IQSEC1: variants seen among roughly 807,000 people sequenced by gnomAD.
IQSEC1 encodes IQ motif and Sec7 domain ArfGEF 1.
A neutral mutation model predicts 91.0 loss-of-function variants in IQSEC1; 31 were observed. The observed-to-expected ratio is 0.34, with a 90% CI of 0.26 to 0.46. The LOEUF (loss-of-function observed/expected upper bound fraction) is 0.46. Among genes scored for constraint, IQSEC1 ranks in the 20% least tolerant of loss-of-function variants. The probability of loss-of-function intolerance (pLI) is 1.00; values close to 1 mark genes in which losing one functional copy is unlikely to be tolerated. For synonymous variants in IQSEC1, 699 were observed against 662.6 expected (o/e 1.05, Z -0.84); for missense variants, 1,388 against 1,575.6 (o/e 0.88, Z 2.02).
rs114323393 is a variant in IQSEC1, at chr3:12,979,737, G to A, written c.24-37872C>T. Among the ~76,000 whole-genome samples the A allele has an allele frequency of 0.01, 1,561 of 152,206 alleles. 26 individuals are homozygous for A. Among genetic ancestry groups the A allele is most frequent in the African/African-American group, 0.036 (1,504 of 41,496 alleles). ...CCTCCTGTCTGATGTCATCAGAAGG[G>A]CGGAAAGAGCACCGGAAGGAGAACT... is the stretch of plus-strand genomic sequence containing the variant. On this transcript the variant is annotated intron_variant, in intron 1 of 13. Transcript: ENST00000613206. This position sits in a 1 kb window ranked among gnomAD's most constrained non-coding sequence, Gnocchi z 4.3.
rs758886993 is a variant in IQSEC1, at chr3:12,911,674, A to G, written c.2371T>C (p.Ser791Pro). 1.6e-5 allele frequency: 26 copies of G among 1,613,784 alleles called. No individual in the cohort carries two copies. The East Asian group carries it at 2.9e-4, about 18-fold the overall frequency. ...KNSVTYSFRQSFSLYGMQVLL... is the reference protein window; with the variant it reads ...KNSVTYSFRQPFSLYGMQVLL... ...ACCTGCATGCCGTACAAGGAGAAGG[A>G]CTGTCGGAAGCTGTACGTCACCGAG... The change falls in exon 10 of 14, where the codon TCC becomes CCC. Residue 791 changes from serine to proline, a missense_variant. Coordinates refer to ENST00000613206, the MANE Select transcript of IQSEC1 (RefSeq NM_001134382.3).
chr3:13,135,498 T>C (rs1559262121), intron 2 of IQSEC1, among the ~76,000 whole-genome samples: 1 of 152,212 alleles, frequency 6.6e-6, no homozygotes, highest in Non-Finnish European at 1.5e-5. Flanking sequence ...GGAGGTGACA[T>C]GGGCTGGGCT....
intron 2 of IQSEC1, among the ~76,000 whole-genome samples, chr3:13,114,107 G>A (rs1034941310): frequency 2.6e-5 from 4 of 152,380 alleles, no homozygotes; most frequent in Admixed American, 2.6e-4. Flanking sequence ...AGACATGACA[G>A]CAGACACCTG....
At chr3:12,975,604 T>G (rs184921625) in intron 1 of IQSEC1, among the ~76,000 whole-genome samples, 17 of 152,342 alleles carry the variant, frequency 1.1e-4, no homozygotes, top group African/African-American at 4.1e-4. Context: ...AACTTAACCA[T>G]GAAGCTCCAC....
At chr3:13,184,518 T>C (rs574088360) in intron 1 of IQSEC1, among the ~76,000 whole-genome samples, 40 of 152,236 alleles carry the variant, frequency 2.6e-4, no homozygotes, top group African/African-American at 9.4e-4. Context: ...AGAATGGGTG[T>C]TTTCCCCTAA....
chr3:13,190,555 C>CAAAAAAAAAAA (rs79890597), intron 1 of IQSEC1, among the ~76,000 whole-genome samples: 2 of 142,646 alleles, frequency 1.4e-5, no homozygotes, highest in South Asian at 2.2e-4. Flanking sequence ...GACCCTGTCT[C>CAAAAAAAAAAA]AAAAAAAAAA....
rs1265429397 is a variant in IQSEC1, at chr3:12,899,413, G to A, written c.*1570C>T. On this transcript the variant is annotated 3_prime_UTR_variant, in exon 14 of 14. Coordinates refer to ENST00000613206, the MANE Select transcript of IQSEC1 (RefSeq NM_001134382.3). Reference sequence around the variant, plus strand: ...GCTTAGGAGCACAGCACTGACGGCTGCAGTGGCTCGAAAGGCTGAAACTAC... The same window carrying A: ...GCTTAGGAGCACAGCACTGACGGCTACAGTGGCTCGAAAGGCTGAAACTAC... 1 of 1,611,998 alleles carries A rather than the reference G, an allele frequency of 6.2e-7. No individual in the cohort carries two copies. Among genetic ancestry groups the A allele is most frequent in the Non-Finnish European group, 8.5e-7 (1 of 1,179,546 alleles).
chr3:13,081,558 C>G (rs566704987), intron 2 of IQSEC1, among the ~76,000 whole-genome samples: 2 of 152,218 alleles, frequency 1.3e-5, no homozygotes, highest in Admixed American at 1.3e-4. Flanking sequence ...CATGAGCCAC[C>G]ATGCCTGGCC....
chr3:12,902,555 AGAG>A (rs1694437691), intron 13 of IQSEC1, among the ~76,000 whole-genome samples: 1 of 151,124 alleles, frequency 6.6e-6, no homozygotes. Context: ...TTCTAGGCAC[AGAG>A]GAGAAGCTGA....
chr3:12,917,723 T>G (rs1318181463), intron 6 of IQSEC1, among the ~76,000 whole-genome samples: 1 of 152,228 alleles, frequency 6.6e-6, no homozygotes, highest in Non-Finnish European at 1.5e-5. Context: ...GGTTTTTCTG[T>G]GGGCCTAAGT....
rs368158123 is a variant in IQSEC1, at chr3:12,899,462, G to T, written c.*1521C>A. The T allele has an allele frequency of 1.9e-6, 3 of 1,603,650 alleles. No homozygotes were observed. Among genetic ancestry groups the T allele is most frequent in the Admixed American group, 1.7e-5 (1 of 58,580 alleles). ...ACAAAGTATGGCCCGTGGGTGACTCGGGCACAGACCTGCCGCGTGCAGGTC... is the reference window on the plus strand; with the variant it reads ...ACAAAGTATGGCCCGTGGGTGACTCTGGCACAGACCTGCCGCGTGCAGGTC... On this transcript the variant is annotated 3_prime_UTR_variant, in exon 14 of 14. Transcript: ENST00000613206.
chr3:13,056,438 T>C (rs111945665), intron 1 of IQSEC1, among the ~76,000 whole-genome samples: 1 of 152,174 alleles, frequency 6.6e-6, no homozygotes, highest in African/African-American at 2.4e-5. Flanking sequence ...CTCCTTCAGA[T>C]GTCAGACCCT....
chr3:13,081,645 AT>A (rs1705648897), intron 2 of IQSEC1, among the ~76,000 whole-genome samples: 1 of 152,206 alleles, frequency 6.6e-6, no homozygotes, highest in Admixed American at 6.5e-5. Flanking sequence ...TACTACAAAA[AT>A]TTTTCAGTCA....
chr3:13,264,938 C>T (rs1037016756), intron 1 of IQSEC1, among the ~76,000 whole-genome samples: 7 of 152,022 alleles, frequency 4.6e-5, no homozygotes, highest in African/African-American at 1.7e-4. Flanking sequence ...GTTTCTGTCT[C>T]TCTGTGTCTC....
In IQSEC1 at chr3:12,899,389, C is replaced by T; in HGVS notation, c.*1594G>A. On this transcript the variant is annotated 3_prime_UTR_variant, in exon 14 of 14. Coordinates refer to ENST00000613206, the MANE Select transcript of IQSEC1 (RefSeq NM_001134382.3). ...GGGGGGCAGTCCTCGGGTCCCATGG[C>T]TTAGGAGCACAGCACTGACGGCTGC... 2 of 1,613,074 alleles carry T rather than the reference C, an allele frequency of 1.2e-6. No homozygotes were observed. Among genetic ancestry groups the T allele is most frequent in the Non-Finnish European group, 1.7e-6 (2 of 1,179,826 alleles).
At position 12,901,338 on chromosome 3, in the gene IQSEC1, G is replaced by A; in HGVS notation, c.2990C>T (p.Pro997Leu). Residue 997 changes from proline (P) to leucine (L), a missense_variant, in exon 14 of 14, where the codon CCA becomes CTA. Physicochemically the swap from Pro to Leu is moderately conservative, Grantham distance 98 (BLOSUM62 -3). Coordinates refer to ENST00000613206, the MANE Select transcript of IQSEC1 (RefSeq NM_001134382.3). Reference sequence around the variant, plus strand: ...CTGCAAGTGAGGCAGGACCACCGGTGGGTGGGGGGGTGGCAGGGCTGGGGC... The same window carrying A: ...CTGCAAGTGAGGCAGGACCACCGGTAGGTGGGGGGGTGGCAGGGCTGGGGC... ...PSAPALPPPH[P>L]PVVLPHLQHS... is the part of the protein sequence containing the mutation. 6.5e-7 allele frequency: 1 copy of A among 1,528,112 alleles called. No homozygotes were observed. Among genetic ancestry groups the A allele is most frequent in the East Asian group, 2.5e-5 (1 of 40,546 alleles). The allele number at this position is 1,528,112 out of a possible 1,614,324, so 94.7% of individuals were successfully genotyped here. A position where few individuals can be genotyped will look rare whatever the true frequency, so the allele number is the denominator to read the frequency against.
intron 1 of IQSEC1, among the ~76,000 whole-genome samples, chr3:13,174,953 T>G (rs1693698686): frequency 6.6e-6 from 1 of 151,558 alleles, no homozygotes; most frequent in Non-Finnish European, 1.5e-5. Flanking sequence ...TGCTGGTCCC[T>G]CCTCCTGGCA....
At position 12,941,877 on chromosome 3, in the gene IQSEC1, A is replaced by G. The variant is rs1698785014; in HGVS notation, c.24-12T>C. On this transcript the variant is annotated splice_polypyrimidine_tract_variant and intron_variant, in intron 1 of 13. Coordinates refer to ENST00000613206, the MANE Select transcript of IQSEC1 (RefSeq NM_001134382.3). ...CCTCGCCCTCGACGCTGCAGAGGAG[A>G]GAGAGGTGAGAAGCTTCTGGTAAGC... 2 of 1,569,522 alleles carry G rather than the reference A, an allele frequency of 1.3e-6. No individual in the cohort carries two copies. Among genetic ancestry groups the G allele is most frequent in the Admixed American group, 3.7e-5 (2 of 53,860 alleles).
In IQSEC1 at chr3:12,900,007, A is replaced by G. The variant is rs1369197524; in HGVS notation, c.*976T>C. On this transcript the variant is annotated 3_prime_UTR_variant, in exon 14 of 14. Transcript: ENST00000613206. ...GAGAGTCACAGTTATCGCAGCCATT[A>G]AAGTGTCTAAGAATCCGTGTAACCA... The G allele has an allele frequency of 3.0e-6, 3 of 985,278 alleles. No individual in the cohort carries two copies. Among genetic ancestry groups the G allele is most frequent in the South Asian group, 9.4e-5 (2 of 21,278 alleles). 61.0% of individuals were successfully genotyped at this position (985,278 alleles called of 1,614,324 possible).
Sources: gnomAD v4.1 joint callset for allele counts (sites outside exome capture counted in the v4.1 genomes callset) on GRCh38, gnomAD v4.1.1 for gene constraint, Gnocchi (gnomAD v3.1) non-coding constraint, MANE v1.5 for transcripts, NCBI Gene and HGNC (gene_info 2026-07-23, HGNC 2026-07-21) for gene names.